The following COL11A1 variants were observed in gnomAD, a reference collection of about 807,000 sequenced individuals.
COL11A1 encodes collagen type XI alpha 1 chain, also known as collagen alpha-1(XI) chain.
In COL11A1, 74 loss-of-function variants were observed where a neutral mutation model predicts 265.2. That is an observed-to-expected ratio of 0.28 (90% CI 0.23 to 0.34). The LOEUF (loss-of-function observed/expected upper bound fraction) is 0.34, where lower values mean the gene tolerates loss of function less well. Among genes scored for constraint, COL11A1 ranks in the 10% least tolerant of loss-of-function variants. The probability of loss-of-function intolerance (pLI) is 1.00; values close to 1 mark genes in which losing one functional copy is unlikely to be tolerated. For synonymous variants in COL11A1, 816 were observed against 727.6 expected (o/e 1.12, Z -1.96); for missense variants, 2,165 against 2,263.6 (o/e 0.96, Z 0.88).
intron 29 of COL11A1, among the ~76,000 whole-genome samples, chr1:102,988,811 G>A (rs1249477530): frequency 6.6e-6 from 1 of 152,056 alleles, no homozygotes; most frequent in Non-Finnish European, 1.5e-5. Context: ...CAAGAAAAAT[G>A]TCTCTCTTTT....
chr1:102,899,321 T>C (rs1355260317), intron 54 of COL11A1, among the ~76,000 whole-genome samples: 1 of 152,106 alleles, frequency 6.6e-6, no homozygotes, highest in African/African-American at 2.4e-5. Context: ...ATCATTTATG[T>C]TTATTATTAG....
intron 57 of COL11A1, among the ~76,000 whole-genome samples, chr1:102,894,525 C>T (rs1652162707): frequency 2.1e-5 from 1 of 47,474 alleles, no homozygotes. Flanking sequence ...TAGAGTGAGA[C>T]TCTGTCTCAA....
rs370193909 is a variant in COL11A1 at position 103,082,018 on chromosome 1, T to G, written c.274+787A>C. 2.8e-4 allele frequency among the ~76,000 whole-genome samples: 42 copies of G among 152,078 alleles called. 1 individual carries two copies. In the South Asian group the frequency reaches 8.5e-3, roughly 31 times the overall value. On this transcript the variant is annotated intron_variant, in intron 2 of 66. Coordinates refer to ENST00000370096, the MANE Select transcript of COL11A1 (RefSeq NM_001854.4). ...ATGGAGGCAAGCACAGTTAACAAGTTACCTGCTTTGAAAATATGAGGCTCG... is the reference window on the plus strand; with the variant it reads ...ATGGAGGCAAGCACAGTTAACAAGTGACCTGCTTTGAAAATATGAGGCTCG...
At chr1:103,059,855 T>C (rs544108039) in intron 4 of COL11A1, among the ~76,000 whole-genome samples, 1 of 151,940 alleles carries the variant, frequency 6.6e-6, no homozygotes, top group South Asian at 2.1e-4. Context: ...AATACAAAAC[T>C]AAACAGGATA....
intron 3 of COL11A1, among the ~76,000 whole-genome samples, chr1:103,075,555 G>A (rs140372424): frequency 1.5e-3 from 224 of 152,222 alleles, no homozygotes; most frequent in African/African-American, 4.6e-3. Flanking sequence ...GGGGAGACAT[G>A]GCCAGCCCTT....
At chr1:103,097,846 A>C (rs1673907924) in intron 1 of COL11A1, among the ~76,000 whole-genome samples, 1 of 151,970 alleles carries the variant, frequency 6.6e-6, no homozygotes, top group Non-Finnish European at 1.5e-5. Flanking sequence ...CTGTGTAGCC[A>C]CAGCACTTAA....
intron 1 of COL11A1, among the ~76,000 whole-genome samples, chr1:103,097,854 T>C (rs2102402407): frequency 1.3e-5 from 2 of 152,092 alleles, no homozygotes; most frequent in African/African-American, 4.8e-5. Context: ...CCACAGCACT[T>C]AACACAGTGA....
intron 2 of COL11A1, among the ~76,000 whole-genome samples, chr1:103,082,040 C>T (rs1227428087): frequency 1.3e-5 from 2 of 151,870 alleles, no homozygotes; most frequent in Admixed American, 1.3e-4. Flanking sequence ...AAATATGAGG[C>T]TCGAAAATTG....
chr1:102,935,214 C>T, intron 44 of COL11A1, 101 bp from the exon 45 acceptor site: 2 of 886,136 alleles, frequency 2.3e-6, no homozygotes, highest in African/African-American at 1.7e-5. Flanking sequence ...CACTTCTGCA[C>T]TCCTTTGGAA....
chr1:102,974,661 C>G (rs764972024), intron 36 of COL11A1, among the ~76,000 whole-genome samples, 169 bp downstream of exon 36: 2 of 151,984 alleles, frequency 1.3e-5, no homozygotes, highest in Admixed American at 6.6e-5. Context: ...TATTCAGAAA[C>G]GATCTATGAA....
In COL11A1 at chr1:103,055,425, T is replaced by C. The variant is rs542705800; in HGVS notation, c.651+19193A>G. ...AATAATTAGTGAACACACCTTTATA[T>C]TTTAAAATCCAGATAGAAAACATAT... On this transcript the variant is annotated intron_variant, in intron 4 of 66. Coordinates refer to ENST00000370096, the MANE Select transcript of COL11A1 (RefSeq NM_001854.4). Among the ~76,000 whole-genome samples the C allele has an allele frequency of 3.9e-5, 6 of 152,344 alleles. No homozygotes were observed. In the South Asian group the frequency reaches 1.2e-3, roughly 32 times the overall value.
chr1:103,009,184 C>A (rs1317976909), intron 14 of COL11A1, among the ~76,000 whole-genome samples: 1 of 152,130 alleles, frequency 6.6e-6, no homozygotes, highest in Non-Finnish European at 1.5e-5. Flanking sequence ...GAGGCCAAGG[C>A]AGGTAGATCA....
At chr1:102,955,422 A>T (rs1328970745) in intron 41 of COL11A1, among the ~76,000 whole-genome samples, 1 of 152,202 alleles carries the variant, frequency 6.6e-6, no homozygotes, top group Non-Finnish European at 1.5e-5. Flanking sequence ...GCTATACCGC[A>T]CAATTTTGAA....
At chr1:102,930,087 T>A (rs998689814) in intron 46 of COL11A1, among the ~76,000 whole-genome samples, 2 of 152,194 alleles carry the variant, frequency 1.3e-5, no homozygotes, top group African/African-American at 4.8e-5. Flanking sequence ...CTTTATTTCC[T>A]TCTCCTGCCT....
intron 57 of COL11A1, among the ~76,000 whole-genome samples, chr1:102,895,941 G>T (rs116155504): frequency 0.013 from 2,047 of 151,656 alleles, 56 homozygotes; most frequent in African/African-American, 0.047. Flanking sequence ...ATGCATGAAT[G>T]AGGTCAAATT....
In COL11A1 at chr1:103,001,670, T is replaced by G. The variant is rs1259969020; in HGVS notation, c.2142+255A>C. 6.1e-5 allele frequency: 33 copies of G among 544,108 alleles called. No individual in the cohort carries two copies. In the East Asian group the frequency reaches 9.4e-4, roughly 15 times the overall value. 33.7% of individuals were successfully genotyped at this position (544,108 alleles called of 1,614,324 possible). A position where few individuals can be genotyped will look rare whatever the true frequency, so the allele number is the denominator to read the frequency against. The stretch of plus-strand genomic sequence containing the variant: ...AAAATATTCACTCATACCGTTATGT[T>G]CCTGAAATTAACATAGCTGAGAATG... On this transcript the variant is annotated intron_variant, in intron 24 of 66. Transcript: ENST00000370096.
At chr1:102,888,259 A>G (rs1298818585) in intron 62 of COL11A1, among the ~76,000 whole-genome samples, 1 of 152,202 alleles carries the variant, frequency 6.6e-6, no homozygotes, top group Non-Finnish European at 1.5e-5. Context: ...CATTATTCCT[A>G]GAGTCAAGTA....
At chr1:102,887,096 T>A in intron 62 of COL11A1, 40 bp from the exon 63 acceptor site, 4 of 1,611,826 alleles carry the variant, frequency 2.5e-6, no homozygotes, top group Non-Finnish European at 3.4e-6. Flanking sequence ...TTTCATAAAG[T>A]GGAATATTCT....
chr1:102,992,074 A>G (rs942551901), intron 28 of COL11A1, among the ~76,000 whole-genome samples: 3 of 152,192 alleles, frequency 2.0e-5, no homozygotes, highest in African/African-American at 4.8e-5. Flanking sequence ...GACTCTGACT[A>G]TAGACAGAAT....
Sources: gnomAD v4.1 joint callset for allele counts (sites outside exome capture counted in the v4.1 genomes callset) on GRCh38, gnomAD v4.1.1 for gene constraint, MANE v1.5 for transcripts, NCBI Gene and HGNC (gene_info 2026-07-23, HGNC 2026-07-21) for gene names.